The following PCCA variants were observed in gnomAD, a reference collection of about 807,000 sequenced individuals.
PCCA encodes the protein propionyl-CoA carboxylase subunit alpha, also known as propionyl-CoA carboxylase alpha chain, mitochondrial.
PCCA carries 74 observed loss-of-function variants against 101.3 expected under a neutral mutation model. That is an observed-to-expected ratio of 0.73 (90% CI 0.61 to 0.89). The LOEUF (loss-of-function observed/expected upper bound fraction) is 0.89. Among genes scored for constraint, PCCA ranks in the 40% least tolerant of loss-of-function variants. The pLI, the probability that PCCA is intolerant of heterozygous loss-of-function variation, is 0.00. For missense variants in PCCA, 891 were observed against 907.0 expected, an observed-to-expected ratio of 0.98 and a Z score of 0.23; for synonymous variants, 294 against 313.6, an observed-to-expected ratio of 0.94 and a Z score of 0.66.
At chr13:100,195,972 A>G (rs1414864609) in intron 6 of PCCA, among the ~76,000 whole-genome samples, 1 of 152,196 alleles carries the variant, frequency 6.6e-6, no homozygotes, top group African/African-American at 2.4e-5. Context: ...AGGGAAATAA[A>G]AAGAAAAAAT....
intron 18 of PCCA, among the ~76,000 whole-genome samples, chr13:100,359,096 CAAAAAAA>C (rs35233154): frequency 9.6e-6 from 1 of 103,784 alleles, no homozygotes; most frequent in East Asian, 3.0e-4. Flanking sequence ...CAAGACTCCT[CAAAAAAA>C]AAAAAAAAGA....
At chr13:100,206,060 T>G (rs1355232713) in intron 6 of PCCA, among the ~76,000 whole-genome samples, 3 of 152,106 alleles carry the variant, frequency 2.0e-5, no homozygotes, top group Non-Finnish European at 4.4e-5. Context: ...GGGATTTGCA[T>G]AAGATTTTTT....
chr13:100,153,497 A>G (rs1183859674), intron 4 of PCCA, among the ~76,000 whole-genome samples: 1 of 152,230 alleles, frequency 6.6e-6, no homozygotes, highest in Non-Finnish European at 1.5e-5. Flanking sequence ...ACTTAAATGT[A>G]TTCTTTTTAA....
intron 6 of PCCA, among the ~76,000 whole-genome samples, chr13:100,194,908 A>G (rs2058009680): frequency 6.6e-6 from 1 of 152,164 alleles, no homozygotes; most frequent in Admixed American, 6.5e-5. Context: ...AGTGTTATCA[A>G]ATCTTCATTT....
In PCCA at chr13:100,309,890, G is replaced by GAT; in HGVS notation, c.1413_1414dup (p.Asn472IlefsTer18). The GAT allele has an allele frequency of 6.2e-7, 1 of 1,610,160 alleles. No homozygotes were observed. Among genetic ancestry groups the GAT allele is most frequent in the Non-Finnish European group, 8.5e-7 (1 of 1,176,494 alleles). On this transcript the variant is annotated frameshift_variant, in exon 16 of 24. Transcript: ENST00000376285. LOFTEE classifies it high-confidence loss of function. ...ACTGAAGAGAATGGCAGATGCACTGGATAACTATGTTATTCGAGGTAAAAA... is the reference window on the plus strand; with the variant it reads ...ACTGAAGAGAATGGCAGATGCACTGGATATAACTATGTTATTCGAGGTAAAAA...
At chr13:100,245,985 A>G (rs1037464340) in intron 8 of PCCA, among the ~76,000 whole-genome samples, 14 of 152,226 alleles carry the variant, frequency 9.2e-5, no homozygotes, top group African/African-American at 3.1e-4. Context: ...CCATCAGCTA[A>G]TAATTTAGAG....
At chr13:100,251,029 A>C (rs2061718344) in intron 8 of PCCA, among the ~76,000 whole-genome samples, 1 of 152,154 alleles carries the variant, frequency 6.6e-6, no homozygotes, top group South Asian at 2.1e-4. Context: ...AGAAAATTTC[A>C]CTGACCACTA....
At chr13:100,516,945 T>G (rs1315682634) in intron 22 of PCCA, among the ~76,000 whole-genome samples, 1 of 152,160 alleles carries the variant, frequency 6.6e-6, no homozygotes, top group African/African-American at 2.4e-5. Context: ...GTTTTGTTTT[T>G]TTCATTTTTC....
intron 4 of PCCA, among the ~76,000 whole-genome samples, chr13:100,138,938 A>G: frequency 1.4e-5 from 1 of 73,834 alleles, no homozygotes; most frequent in East Asian, 1.5e-3. Context: ...CCATCTCAAA[A>G]AAAAAAAAAA....
intron 8 of PCCA, among the ~76,000 whole-genome samples, chr13:100,244,479 T>C (rs1207412508): frequency 6.6e-6 from 1 of 152,232 alleles, no homozygotes; most frequent in Non-Finnish European, 1.5e-5. Context: ...CAGTCCTTCA[T>C]CTTCTTTCTC....
chr13:100,425,840 C>T (rs1230095445), intron 20 of PCCA, 109 bp downstream of exon 20: 1 of 748,334 alleles, frequency 1.3e-6, no homozygotes, highest in African/African-American at 1.7e-5. Flanking sequence ...GTATTTTATT[C>T]ACCTTATACT....
chr13:100,224,223 A>T (rs1427034761), intron 7 of PCCA, among the ~76,000 whole-genome samples: 1 of 152,220 alleles, frequency 6.6e-6, no homozygotes. Flanking sequence ...CTGGGCGAGA[A>T]ATCGAGCGCA....
chr13:100,290,870 G>GA (rs1188544084), intron 12 of PCCA, among the ~76,000 whole-genome samples: 3 of 152,128 alleles, frequency 2.0e-5, no homozygotes, highest in African/African-American at 7.2e-5. Flanking sequence ...ATAAGTAACT[G>GA]ACTAAATTGT....
chr13:100,133,862 A>G (rs2050826773), intron 4 of PCCA, among the ~76,000 whole-genome samples: 1 of 152,122 alleles, frequency 6.6e-6, no homozygotes, highest in South Asian at 2.1e-4. Flanking sequence ...TGACTTGCTG[A>G]GTCTTCCGGC....
chr13:100,326,186 A>C (rs138526322), intron 16 of PCCA, among the ~76,000 whole-genome samples: 156 of 152,328 alleles, frequency 1.0e-3, no homozygotes, highest in African/African-American at 3.6e-3. Flanking sequence ...AACCAAGGAA[A>C]TCATGAAAGA....
intron 21 of PCCA, among the ~76,000 whole-genome samples, chr13:100,479,222 C>G (rs2083680759): frequency 6.6e-6 from 1 of 152,192 alleles, no homozygotes; most frequent in Admixed American, 6.5e-5. Flanking sequence ...AAAATGAAAG[C>G]CCATTCATCA....
intron 4 of PCCA, among the ~76,000 whole-genome samples, chr13:100,152,374 T>A (rs1429057318): frequency 1.4e-4 from 20 of 145,902 alleles, no homozygotes; most frequent in Admixed American, 8.3e-4. Flanking sequence ...TTTTTTTTTT[T>A]AAACTGGAAC....
chr13:100,298,143 G>A (rs890070868), intron 12 of PCCA, among the ~76,000 whole-genome samples: 14 of 152,056 alleles, frequency 9.2e-5, no homozygotes, highest in Non-Finnish European at 1.9e-4. Context: ...AACATATGAA[G>A]CCAGGTTCTC....
At chr13:100,366,219 A>T (rs1704878348) in intron 18 of PCCA, among the ~76,000 whole-genome samples, 1 of 152,106 alleles carries the variant, frequency 6.6e-6, no homozygotes, top group African/African-American at 2.4e-5. Flanking sequence ...TGGAGTATTG[A>T]CCCCATTCGA....
Sources: gnomAD v4.1 joint callset for allele counts (sites outside exome capture counted in the v4.1 genomes callset) on GRCh38, gnomAD v4.1.1 for gene constraint, MANE v1.5 for transcripts, NCBI Gene and HGNC (gene_info 2026-07-23, HGNC 2026-07-21) for gene names.